Variants in KCND2 observed in about 807,000 individuals in gnomAD.
KCND2 encodes potassium voltage-gated channel subfamily D member 2.
KCND2 carries 16 observed loss-of-function variants against 54.4 expected under a neutral mutation model. The observed-to-expected ratio is 0.29, with a 90% CI of 0.20 to 0.45. KCND2 has a LOEUF of 0.45. Ranked by LOEUF, KCND2 falls within the 20% of genes least tolerant of loss-of-function variation. KCND2 has a pLI of 1.00. For synonymous variants in KCND2, 317 were observed against 310.7 expected (o/e 1.02, Z -0.21); for missense variants, 486 against 824.2 (o/e 0.59, Z 5.02).
intron 1 of KCND2, among the ~76,000 whole-genome samples, chr7:120,524,073 T>C (rs576860053): frequency 2.2e-4 from 33 of 151,844 alleles, no homozygotes; most frequent in African/African-American, 7.7e-4. Flanking sequence ...CCATCTCTCC[T>C]AATATACAAA....
intron 1 of KCND2, among the ~76,000 whole-genome samples, chr7:120,626,936 G>A (rs1248386610): frequency 6.6e-6 from 1 of 152,130 alleles, no homozygotes; most frequent in East Asian, 1.9e-4. Flanking sequence ...TGATCCCTAA[G>A]TTCCTTTCCA....
At chr7:120,352,012 A>G (rs911492558) in intron 1 of KCND2, among the ~76,000 whole-genome samples, 3 of 151,708 alleles carry the variant, frequency 2.0e-5, no homozygotes, top group Admixed American at 6.6e-5. Flanking sequence ...GGGTTTCACC[A>G]TGTTGGCCAG....
chr7:120,606,680 T>C (rs541606038), intron 1 of KCND2, among the ~76,000 whole-genome samples: 2 of 152,214 alleles, frequency 1.3e-5, no homozygotes, highest in South Asian at 2.1e-4. Flanking sequence ...ACTATAAATG[T>C]GAGGGCTTAT....
chr7:120,383,197 T>C lies in KCND2; in HGVS notation c.1115+107450T>C, dbSNP rs141848399. Among the ~76,000 whole-genome samples, 3 of 152,118 alleles carry C rather than the reference T, an allele frequency of 2.0e-5. No individual in the cohort carries two copies. The East Asian group carries it at 5.8e-4, about 29-fold the overall frequency. ...CCCTTTGGATGCAGAATGCATTATT[T>C]AAGTTACTACCTTTCCTCTTTCTTT... On this transcript the variant is annotated intron_variant, in intron 1 of 5. Transcript: ENST00000331113.
intron 1 of KCND2, among the ~76,000 whole-genome samples, chr7:120,277,252 C>A (rs1799189806): frequency 6.6e-6 from 1 of 152,030 alleles, no homozygotes; most frequent in Non-Finnish European, 1.5e-5. Flanking sequence ...TGTTCTACTT[C>A]TTATATTTCC....
chr7:120,515,954 A>G (rs372404286), intron 1 of KCND2, among the ~76,000 whole-genome samples: 72 of 152,206 alleles, frequency 4.7e-4, no homozygotes, highest in Middle Eastern at 6.8e-3. Context: ...GACCCATGAG[A>G]GAATATGTAA....
chr7:120,499,793 T>TA (rs1364912622), intron 1 of KCND2, among the ~76,000 whole-genome samples: 2 of 152,138 alleles, frequency 1.3e-5, no homozygotes, highest in African/African-American at 4.8e-5. Context: ...TATGATAGAT[T>TA]AAATAATCTA....
chr7:120,459,542 T>C (rs573833773), intron 1 of KCND2, among the ~76,000 whole-genome samples: 30 of 152,214 alleles, frequency 2.0e-4, no homozygotes, highest in Non-Finnish European at 3.4e-4. Flanking sequence ...GTGTGCCCTT[T>C]GTATAACTCC....
intron 1 of KCND2, among the ~76,000 whole-genome samples, chr7:120,567,591 A>G (rs1792313811): frequency 6.6e-6 from 1 of 152,190 alleles, no homozygotes; most frequent in African/African-American, 2.4e-5. Context: ...ACCTATTTTT[A>G]TATGTAAATG....
intron 1 of KCND2, among the ~76,000 whole-genome samples, chr7:120,475,354 A>G (rs1802518620): frequency 6.6e-6 from 1 of 152,206 alleles, no homozygotes; most frequent in South Asian, 2.1e-4. Flanking sequence ...ACTTTTCATC[A>G]CTTCATTTCA....
chr7:120,712,989 G>C (rs941846650), intron 1 of KCND2, among the ~76,000 whole-genome samples: 4 of 152,088 alleles, frequency 2.6e-5, no homozygotes, highest in African/African-American at 7.2e-5. Context: ...TCATGCCCAC[G>C]TAGCCCTTGT....
At chr7:120,314,256 C>G (rs1799781293) in intron 1 of KCND2, among the ~76,000 whole-genome samples, 1 of 151,134 alleles carries the variant, frequency 6.6e-6, no homozygotes, top group African/African-American at 2.4e-5. Flanking sequence ...TGCATTGAAC[C>G]CGGGAGGTGG....
intron 1 of KCND2, among the ~76,000 whole-genome samples, chr7:120,729,874 A>T (rs1363234897): frequency 6.6e-6 from 1 of 152,192 alleles, no homozygotes; most frequent in African/African-American, 2.4e-5. Flanking sequence ...AAGCTTATGT[A>T]TCTGCAACCT....
chr7:120,469,915 A>G (rs1429186527), intron 1 of KCND2, among the ~76,000 whole-genome samples: 1 of 152,204 alleles, frequency 6.6e-6, no homozygotes, highest in Non-Finnish European at 1.5e-5. Context: ...TATTAGTAGC[A>G]TAAAAAAGTC....
intron 1 of KCND2, among the ~76,000 whole-genome samples, chr7:120,636,529 C>T (rs1016681913): frequency 2.0e-5 from 3 of 152,056 alleles, no homozygotes; most frequent in Non-Finnish European, 2.9e-5. Context: ...CACATGTCAA[C>T]TAGATAGTGG....
At chr7:120,680,496 T>A (rs1792125800) in intron 1 of KCND2, among the ~76,000 whole-genome samples, 1 of 152,132 alleles carries the variant, frequency 6.6e-6, no homozygotes, top group South Asian at 2.1e-4. Flanking sequence ...AGTGAATGAA[T>A]AAATCAAACT....
At chr7:120,581,770 G>A (rs1286999662) in intron 1 of KCND2, among the ~76,000 whole-genome samples, 2 of 151,784 alleles carry the variant, frequency 1.3e-5, no homozygotes, top group African/African-American at 4.8e-5. Context: ...GGAGTGCAAC[G>A]GTATGATCTC....
intron 1 of KCND2, among the ~76,000 whole-genome samples, chr7:120,424,266 A>G (rs1801669064): frequency 6.6e-6 from 1 of 152,230 alleles, no homozygotes; most frequent in African/African-American, 2.4e-5. Flanking sequence ...GGGCACGCTA[A>G]TAATGTCTGT....
At chr7:120,743,282 A>G (rs370082074) in intron 4 of KCND2, among the ~76,000 whole-genome samples, 1 of 152,180 alleles carries the variant, frequency 6.6e-6, no homozygotes, top group African/African-American at 2.4e-5. Flanking sequence ...TATTTGGATC[A>G]TGTCAGCTCA....
Sources: gnomAD v4.1 joint callset for allele counts (sites outside exome capture counted in the v4.1 genomes callset) on GRCh38, gnomAD v4.1.1 for gene constraint, MANE v1.5 for transcripts, NCBI Gene and HGNC (gene_info 2026-07-23, HGNC 2026-07-21) for gene names.